KIAA0825: variants seen among roughly 807,000 people sequenced by gnomAD.
KIAA0825 encodes KIAA0825, also known as uncharacterized protein KIAA0825.
KIAA0825 carries 119 observed loss-of-function variants against 147.6 expected under a neutral mutation model. The observed-to-expected ratio is 0.81, with a 90% CI of 0.69 to 0.94. The LOEUF is 0.94. KIAA0825 is among the 40% of genes least tolerant of loss of function. KIAA0825 has a pLI of 0.00. For missense variants in KIAA0825, 1,381 were observed against 1,472.7 expected (o/e 0.94, Z 1.02); for synonymous variants, 470 against 518.1 (o/e 0.91, Z 1.26).
chr5:94,329,676 A>G (rs1781067007), intron 20 of KIAA0825, among the ~76,000 whole-genome samples: 2 of 152,138 alleles, frequency 1.3e-5, no homozygotes, highest in Non-Finnish European at 2.9e-5. Flanking sequence ...TAATACGCAA[A>G]TTAGGAAGGG....
chr5:94,176,941 A>T (rs1769159734), intron 20 of KIAA0825, among the ~76,000 whole-genome samples: 1 of 152,112 alleles, frequency 6.6e-6, no homozygotes, highest in African/African-American at 2.4e-5. Context: ...TGACATTACC[A>T]TTGCTAGTGT....
At chr5:94,219,677 T>C (rs1410413113) in intron 20 of KIAA0825, among the ~76,000 whole-genome samples, 1 of 152,156 alleles carries the variant, frequency 6.6e-6, no homozygotes, top group African/African-American at 2.4e-5. Flanking sequence ...AGTTACTGTA[T>C]TGGAATACTG....
At chr5:94,481,279 T>C (rs1216907968) in intron 6 of KIAA0825, among the ~76,000 whole-genome samples, 2 of 152,094 alleles carry the variant, frequency 1.3e-5, no homozygotes, top group South Asian at 2.1e-4. Flanking sequence ...TTTATACTTC[T>C]GGTTAGTTTC....
At chr5:94,473,797 T>C (rs1029921072) in intron 7 of KIAA0825, among the ~76,000 whole-genome samples, 4 of 152,246 alleles carry the variant, frequency 2.6e-5, no homozygotes, top group Admixed American at 1.3e-4. Context: ...CTCTTAAATA[T>C]AGTTCAATAA....
At chr5:94,592,496 T>C (rs1229628018) in intron 1 of KIAA0825, among the ~76,000 whole-genome samples, 1 of 152,126 alleles carries the variant, frequency 6.6e-6, no homozygotes, top group African/African-American at 2.4e-5. Context: ...ACTCCTGGGA[T>C]ATGAGGGTTG....
At chr5:94,475,291 A>C (rs1012035900) in intron 7 of KIAA0825, among the ~76,000 whole-genome samples, 1 of 152,164 alleles carries the variant, frequency 6.6e-6, no homozygotes, top group Non-Finnish European at 1.5e-5. Flanking sequence ...TTTCCCTATC[A>C]GGGCATGTCT....
At chr5:94,226,582 G>C (rs12189466) in intron 20 of KIAA0825, among the ~76,000 whole-genome samples, 15,766 of 151,910 alleles carry the variant, frequency 0.1, 925 homozygotes, top group Middle Eastern at 0.14. Context: ...TTTATTGTGG[G>C]ACTATTCACA....
intron 20 of KIAA0825, among the ~76,000 whole-genome samples, chr5:94,252,732 A>G (rs1776027935): frequency 6.6e-6 from 1 of 152,008 alleles, no homozygotes; most frequent in South Asian, 2.1e-4. Context: ...CAATAAAATA[A>G]TGTTACAAAA....
chr5:94,408,292 T>A (rs370787808), intron 15 of KIAA0825, among the ~76,000 whole-genome samples: 1 of 152,180 alleles, frequency 6.6e-6, no homozygotes, highest in Admixed American at 6.5e-5. Flanking sequence ...ATTTCCAACA[T>A]AGAGCTTTTG....
chr5:94,157,137 G>A (rs1045486314), intron 20 of KIAA0825, among the ~76,000 whole-genome samples: 2 of 152,126 alleles, frequency 1.3e-5, no homozygotes, highest in African/African-American at 4.8e-5. Flanking sequence ...ACCAGAAAAT[G>A]TTGGAAGCAG....
chr5:94,614,481 C>T (rs185980680), intron 1 of KIAA0825, among the ~76,000 whole-genome samples: 3 of 152,346 alleles, frequency 2.0e-5, no homozygotes, highest in East Asian at 3.8e-4. Context: ...CCACAGTTAT[C>T]TACAGCTTGT....
intron 20 of KIAA0825, among the ~76,000 whole-genome samples, chr5:94,358,564 C>T (rs1353216725): frequency 6.6e-6 from 1 of 152,182 alleles, no homozygotes; most frequent in East Asian, 1.9e-4. Context: ...GGGCAATATT[C>T]TCTTCCTCTA....
intron 20 of KIAA0825, among the ~76,000 whole-genome samples, chr5:94,223,960 G>A (rs934379639): frequency 7.9e-5 from 12 of 151,416 alleles, no homozygotes; most frequent in Non-Finnish European, 1.0e-4. Context: ...TTGAAAGAGC[G>A]TATGTCCAAC....
chr5:94,390,735 A>G (rs1749783795), intron 18 of KIAA0825, among the ~76,000 whole-genome samples: 1 of 152,230 alleles, frequency 6.6e-6, no homozygotes, highest in Non-Finnish European at 1.5e-5. Flanking sequence ...GTCAAATTTA[A>G]TTTATTCCCT....
At chr5:94,187,757 C>T (rs997770463) in intron 20 of KIAA0825, among the ~76,000 whole-genome samples, 1 of 152,108 alleles carries the variant, frequency 6.6e-6, no homozygotes, top group Non-Finnish European at 1.5e-5. Context: ...AATTCCAAGG[C>T]CTAAACTCCC....
chr5:94,356,725 C>CTTT lies in KIAA0825; in HGVS notation c.3710+27640_3710+27642dup, dbSNP rs1172838355. Among the ~76,000 whole-genome samples the CTTT allele has an allele frequency of 9.3e-4, 109 of 116,710 alleles. 11 individuals carry two copies. Among genetic ancestry groups the CTTT allele is most frequent in the African/African-American group, 3.1e-3 (90 of 29,494 alleles). 76.6% of individuals were successfully genotyped at this position (116,710 alleles called of 152,430 possible). A position where few individuals can be genotyped will look rare whatever the true frequency, so the allele number is the denominator to read the frequency against. On this transcript the variant is annotated intron_variant, in intron 20 of 20. Coordinates refer to ENST00000682413, the MANE Select transcript of KIAA0825 (RefSeq NM_001145678.3). ...TCAAACTTAAGGTTTAACTTGATTT[C>CTTT]TTTTTTTTTTTTTTTTTGAGACGGA... is the stretch of plus-strand genomic sequence containing the variant.
intron 20 of KIAA0825, among the ~76,000 whole-genome samples, chr5:94,370,692 G>C (rs929851805): frequency 1.3e-5 from 2 of 152,060 alleles, no homozygotes; most frequent in Non-Finnish European, 2.9e-5. Flanking sequence ...AGATCACGAG[G>C]TCAGGAGATC....
Position 94,439,215 on chromosome 5 carries a change from G to A in KIAA0825, c.2497+767C>T, listed in dbSNP as rs551030657. On this transcript the variant is annotated intron_variant, in intron 14 of 20. Coordinates refer to ENST00000682413, the MANE Select transcript of KIAA0825 (RefSeq NM_001145678.3). ...CTTCAGGTGTTGGGGAACTACAGAA[G>A]AAAGATTTTGATTTGGGAAACCTAC... is the stretch of plus-strand genomic sequence containing the variant. Among the ~76,000 whole-genome samples, 3 of 152,272 alleles carry A rather than the reference G, an allele frequency of 2.0e-5. No individual in the cohort carries two copies. In the South Asian group the frequency reaches 6.2e-4, roughly 32 times the overall value.
chr5:94,520,658 T>C lies in KIAA0825; in HGVS notation c.560A>G (p.Gln187Arg). 1 of 1,613,416 alleles carries C rather than the reference T, an allele frequency of 6.2e-7. No homozygotes were observed. Among genetic ancestry groups the C allele is most frequent in the South Asian group, 1.1e-5 (1 of 91,060 alleles). Residue 187 changes from glutamine to arginine, a missense_variant, in exon 5 of 21, where the codon CAA (glutamine) becomes CGA (arginine). Gln to Arg is a conservative substitution (Grantham distance 43). Transcript: ENST00000682413. ...GCACTGCTTTTTCAATAAAATTTTT[T>C]GCTGTGAATTGTTTATTTCATTATG... ...QSHNEINNSQ[Q>R]KILLKKQCLQ...
Sources: allele counts gnomAD v4.1 joint callset (sites outside exome capture counted in the v4.1 genomes callset), GRCh38; gene constraint gnomAD v4.1.1; transcripts MANE v1.5; gene names NCBI Gene and HGNC (gene_info 2026-07-23, HGNC 2026-07-21).